The following DPP10 variants were observed in gnomAD, a reference collection of about 807,000 sequenced individuals.
DPP10 encodes dipeptidyl peptidase like 10.
Under a neutral mutation model 120.9 loss-of-function variants are expected in DPP10, and 33 were observed. The observed-to-expected ratio is 0.27, with a 90% CI of 0.21 to 0.37. The LOEUF is 0.37. Among genes scored for constraint, DPP10 ranks in the 10% least tolerant of loss-of-function variants. The pLI is 1.00. For synonymous variants in DPP10, 337 were observed against 326.1 expected, an observed-to-expected ratio of 1.03 and a Z score of -0.36; for missense variants, 816 against 942.8, an observed-to-expected ratio of 0.87 and a Z score of 1.76.
chr2:114,718,354 T>C (rs1416680810), intron 1 of DPP10, among the ~76,000 whole-genome samples: 2 of 129,076 alleles, frequency 1.5e-5, no homozygotes, highest in Non-Finnish European at 3.1e-5. Flanking sequence ...TGAGCTGAGA[T>C]CACCCCACTG....
intron 3 of DPP10, among the ~76,000 whole-genome samples, chr2:115,454,694 A>G (rs911168005): frequency 5.3e-5 from 8 of 151,788 alleles, no homozygotes; most frequent in African/African-American, 1.7e-4. Context: ...CATCACTTCT[A>G]TTCAACATAG....
chr2:115,434,460 G>T (rs183147801), intron 3 of DPP10, among the ~76,000 whole-genome samples: 36 of 152,064 alleles, frequency 2.4e-4, no homozygotes, highest in African/African-American at 8.7e-4. Flanking sequence ...TAGGGTAACA[G>T]ATGTAATAAT....
At chr2:115,746,711 G>T (rs1371911036) in intron 10 of DPP10, among the ~76,000 whole-genome samples, 2 of 152,044 alleles carry the variant, frequency 1.3e-5, no homozygotes, top group Non-Finnish European at 2.9e-5. Context: ...TATTGGGTCA[G>T]AAGCATAATT....
intron 1 of DPP10, among the ~76,000 whole-genome samples, chr2:114,567,160 T>C (rs1689266451): frequency 1.3e-5 from 2 of 152,208 alleles, no homozygotes; most frequent in Admixed American, 6.5e-5. Flanking sequence ...AGTATTTTAC[T>C]TGTATTTCTT....
intron 3 of DPP10, among the ~76,000 whole-genome samples, chr2:115,406,655 A>G (rs1487345394): frequency 1.3e-5 from 2 of 152,150 alleles, no homozygotes; most frequent in Non-Finnish European, 2.9e-5. Context: ...TTAAAATCAG[A>G]CAAAAACATA....
intron 1 of DPP10, among the ~76,000 whole-genome samples, chr2:115,147,167 CATAT>C (rs1007757670): frequency 1.3e-5 from 2 of 150,802 alleles, no homozygotes; most frequent in African/African-American, 4.9e-5. Context: ...TATATATATG[CATAT>C]ATAGTGTGTG....
rs547303459 is a variant in DPP10, at chr2:114,509,761, A to G, written c.60+66923A>G. On this transcript the variant is annotated intron_variant, in intron 1 of 25. Coordinates refer to ENST00000410059, the MANE Select transcript of DPP10 (RefSeq NM_020868.6). ...TAGTGTTGGATATTTGAAGGAAGTC[A>G]TTTGTGAATGCTATCAGATGCCAAT... 6.6e-5 allele frequency among the ~76,000 whole-genome samples: 10 copies of G among 152,356 alleles called. No individual in the cohort carries two copies. The South Asian group carries it at 2.1e-3, about 32-fold the overall frequency.
At chr2:114,706,508 G>C (rs1558656573) in intron 1 of DPP10, among the ~76,000 whole-genome samples, 1 of 152,162 alleles carries the variant, frequency 6.6e-6, no homozygotes, top group Non-Finnish European at 1.5e-5. Context: ...TTGACTTGCA[G>C]ACACATCCCT....
At position 115,386,134 on chromosome 2, in the gene DPP10, C is replaced by T. The variant is rs2066912996; in HGVS notation, c.271+42222C>T. Among the ~76,000 whole-genome samples the T allele has an allele frequency of 2.0e-5, 3 of 152,054 alleles. No individual in the cohort carries two copies. The South Asian group carries it at 6.2e-4, about 31-fold the overall frequency. On this transcript the variant is annotated intron_variant, in intron 3 of 25. Transcript: ENST00000410059. The stretch of plus-strand genomic sequence containing the variant: ...TAGAAAATTAATTTTATTAGACAAA[C>T]TTTATAAAGGAGGAAAGAGTAATTA...
rs1313927075 is a variant in DPP10 at position 115,827,410 on chromosome 2, GTGTGTATA to G, written c.1951-8745_1951-8738del. 9.3e-4 allele frequency among the ~76,000 whole-genome samples: 90 copies of G among 97,230 alleles called. 1 individual carries two copies. The highest frequency in any genetic ancestry group is 7.6e-3 in the East Asian group (26 of 3,436). The allele number at this position is 97,230 out of a possible 152,430, so 63.8% of individuals were successfully genotyped here. ...CAACTGTGTGTGTGTGTGTATGTGT[GTGTGTATA>G]TATATATATATATATATATATATAT... On this transcript the variant is annotated intron_variant, in intron 21 of 25. Coordinates refer to ENST00000410059, the MANE Select transcript of DPP10 (RefSeq NM_020868.6).
At chr2:115,077,131 C>T (rs184313774) in intron 1 of DPP10, among the ~76,000 whole-genome samples, 12 of 152,076 alleles carry the variant, frequency 7.9e-5, no homozygotes, top group African/African-American at 2.7e-4. Context: ...TCTTTCCATG[C>T]GAGCATTGTA....
intron 1 of DPP10, among the ~76,000 whole-genome samples, chr2:114,881,598 G>GTCTGTCTATCTA (rs759393443): frequency 1.5e-3 from 205 of 141,172 alleles, no homozygotes; most frequent in South Asian, 2.9e-3. Context: ...CTGTCTGTCT[G>GTCTGTCTATCTA]TCTATCTATC....
intron 1 of DPP10, among the ~76,000 whole-genome samples, chr2:114,724,632 G>T (rs1701926154): frequency 6.6e-6 from 1 of 152,140 alleles, no homozygotes; most frequent in Non-Finnish European, 1.5e-5. Context: ...TAGAGTTTTA[G>T]CATTAAAACA....
intron 1 of DPP10, among the ~76,000 whole-genome samples, chr2:114,871,793 T>C (rs955312135): frequency 6.6e-6 from 1 of 152,000 alleles, no homozygotes; most frequent in African/African-American, 2.4e-5. Flanking sequence ...AAGAGGTGAG[T>C]GGTGAACAAG....
intron 3 of DPP10, among the ~76,000 whole-genome samples, chr2:115,422,484 T>G (rs998873527): frequency 6.6e-6 from 1 of 152,140 alleles, no homozygotes; most frequent in African/African-American, 2.4e-5. Context: ...ACAAAATTAT[T>G]TACTCAAGAT....
At chr2:115,218,933 C>T (rs1364635429) in intron 1 of DPP10, among the ~76,000 whole-genome samples, 1 of 152,086 alleles carries the variant, frequency 6.6e-6, no homozygotes, top group African/African-American at 2.4e-5. Context: ...GAATTAGACT[C>T]AATTAACCTA....
chr2:115,173,223 A>G (rs2105076945), intron 1 of DPP10, among the ~76,000 whole-genome samples: 1 of 152,348 alleles, frequency 6.6e-6, no homozygotes, highest in African/African-American at 2.4e-5. Context: ...AAAAAAACTA[A>G]TATGGAATCA....
At chr2:114,893,545 A>C (rs1692717495) in intron 1 of DPP10, among the ~76,000 whole-genome samples, 1 of 152,192 alleles carries the variant, frequency 6.6e-6, no homozygotes, top group Non-Finnish European at 1.5e-5. Context: ...AGCATGAAGA[A>C]GAGAAAGTAG....
At chr2:115,507,440 CAT>C (rs1217012757) in intron 4 of DPP10, among the ~76,000 whole-genome samples, 2 of 152,020 alleles carry the variant, frequency 1.3e-5, no homozygotes, top group African/African-American at 4.8e-5. Flanking sequence ...TGAAAAATAA[CAT>C]AGGGTGAGGT....
Sources: allele counts gnomAD v4.1 joint callset (sites outside exome capture counted in the v4.1 genomes callset), GRCh38; gene constraint gnomAD v4.1.1; transcripts MANE v1.5; gene names NCBI Gene and HGNC (gene_info 2026-07-23, HGNC 2026-07-21).